The following PLCH1 variants were observed in gnomAD, a reference collection of about 807,000 sequenced individuals.
PLCH1 encodes the protein phospholipase C eta 1, also known as 1-phosphatidylinositol 4,5-bisphosphate phosphodiesterase eta-1.
In PLCH1, 60 loss-of-function variants were observed where a neutral mutation model predicts 126.7. The observed-to-expected ratio is 0.47, with a 90% CI of 0.38 to 0.59. The LOEUF (loss-of-function observed/expected upper bound fraction) is 0.59. Among genes scored for constraint, PLCH1 ranks in the 20% least tolerant of loss-of-function variants. The pLI, the probability that PLCH1 is intolerant of heterozygous loss-of-function variation, is 0.00. For missense variants in PLCH1, 1,723 were observed against 2,040.0 expected (o/e 0.84, Z 2.99); for synonymous variants, 719 against 734.9 (o/e 0.98, Z 0.35).
intron 21 of PLCH1, among the ~76,000 whole-genome samples, chr3:155,466,092 T>C (rs539615303): frequency 6.6e-5 from 10 of 152,320 alleles, no homozygotes; most frequent in African/African-American, 1.9e-4. Flanking sequence ...CCAGGCATGG[T>C]TGGCTTTGCC....
intron 1 of PLCH1, among the ~76,000 whole-genome samples, chr3:155,715,502 G>A (rs556635909): frequency 6.2e-4 from 94 of 151,424 alleles, no homozygotes; most frequent in African/African-American, 2.1e-3. Flanking sequence ...ACAGGATTTC[G>A]TCAGGTTGCC....
intron 21 of PLCH1, among the ~76,000 whole-genome samples, chr3:155,458,494 G>T (rs1382223729): frequency 1.1e-5 from 1 of 87,056 alleles, no homozygotes; most frequent in Non-Finnish European, 2.0e-5. Context: ...AAGAAAGAAA[G>T]AAAGAGAAAG....
chr3:155,549,386 G>A (rs147719548), intron 10 of PLCH1, among the ~76,000 whole-genome samples: 215 of 151,722 alleles, frequency 1.4e-3, no homozygotes, highest in African/African-American at 5.1e-3. Flanking sequence ...TGGTTTTTTT[G>A]ACAGACAGTT....
At chr3:155,689,018 A>G (rs1255208161) in intron 2 of PLCH1, among the ~76,000 whole-genome samples, 1 of 152,226 alleles carries the variant, frequency 6.6e-6, no homozygotes, top group East Asian at 1.9e-4. Flanking sequence ...AGTCAGTGCC[A>G]TGCTGGCTTC....
At position 155,471,968 on chromosome 3, in the gene PLCH1, G is replaced by A. The variant is rs1394509031; in HGVS notation, c.2938+13388C>T. On this transcript the variant is annotated intron_variant, in intron 21 of 21. Transcript: ENST00000494598. ...TTTATAGCACTAAATGCCCACAAGAGAAAGCAGGAAAGATCCAAAATTGAC... is the reference window on the plus strand; with the variant it reads ...TTTATAGCACTAAATGCCCACAAGAAAAAGCAGGAAAGATCCAAAATTGAC... 2.6e-5 allele frequency among the ~76,000 whole-genome samples: 4 copies of A among 152,118 alleles called. No homozygotes were observed. In the East Asian group the frequency reaches 7.7e-4, roughly 29 times the overall value.
intron 2 of PLCH1, among the ~76,000 whole-genome samples, chr3:155,616,281 T>C (rs927173790): frequency 6.6e-6 from 1 of 152,206 alleles, no homozygotes; most frequent in Non-Finnish European, 1.5e-5. Flanking sequence ...AGCATTGTTT[T>C]AAGATAGAAA....
At chr3:155,664,871 T>A (rs976830796) in intron 2 of PLCH1, among the ~76,000 whole-genome samples, 1 of 152,166 alleles carries the variant, frequency 6.6e-6, no homozygotes, top group Non-Finnish European at 1.5e-5. Flanking sequence ...CCTTAAGTCA[T>A]CATATAGGTA....
At chr3:155,573,795 G>T (rs745321168) in intron 6 of PLCH1, among the ~76,000 whole-genome samples, 1 of 152,178 alleles carries the variant, frequency 6.6e-6, no homozygotes, top group African/African-American at 2.4e-5. Context: ...AGTGGCAAAG[G>T]TGCATTGCAA....
chr3:155,676,651 A>C (rs1434139594), intron 2 of PLCH1, among the ~76,000 whole-genome samples: 3 of 152,164 alleles, frequency 2.0e-5, no homozygotes, highest in African/African-American at 7.2e-5. Flanking sequence ...ACTGCCCTAT[A>C]GGCTACTTTT....
intron 2 of PLCH1, among the ~76,000 whole-genome samples, chr3:155,633,624 A>T (rs1429736006): frequency 6.6e-6 from 1 of 152,252 alleles, no homozygotes; most frequent in Non-Finnish European, 1.5e-5. Context: ...AAATTATAGC[A>T]GAAACTCCAT....
downstream of PLCH1, among the ~76,000 whole-genome samples, chr3:155,475,688 C>T (rs1014820621): frequency 1.6e-4 from 25 of 152,054 alleles, no homozygotes; most frequent in Admixed American, 3.9e-4. Flanking sequence ...TGAGCAACTA[C>T]ATGCCAATAA....
intron 10 of PLCH1, among the ~76,000 whole-genome samples, chr3:155,535,627 C>T (rs535527702): frequency 8.8e-4 from 134 of 152,294 alleles, no homozygotes; most frequent in Admixed American, 3.9e-3. Flanking sequence ...CGACAGCAAA[C>T]CCTGCTCAAG....
At chr3:155,484,501 G>C (rs1169370376) in intron 22 of PLCH1, among the ~76,000 whole-genome samples, 1 of 152,168 alleles carries the variant, frequency 6.6e-6, no homozygotes, top group African/African-American at 2.4e-5. Context: ...TTTGATAAAA[G>C]TTAAAAGAAT....
rs1240034733 is a variant in PLCH1 at position 155,666,443 on chromosome 3, A to G, written c.79+37703T>C. The stretch of plus-strand genomic sequence containing the variant: ...AAATATTCTCTCTGGTCTATGGATG[A>G]TCCTAAACATATATTTATTATCTTT... On this transcript the variant is annotated intron_variant, in intron 2 of 22. Coordinates refer to ENST00000460012, the MANE Select transcript of PLCH1 (RefSeq NM_014996.4). 2.6e-5 allele frequency among the ~76,000 whole-genome samples: 4 copies of G among 152,330 alleles called. No individual in the cohort carries two copies. In the East Asian group the frequency reaches 7.7e-4, roughly 29 times the overall value.
In PLCH1 at chr3:155,537,198, AAACC is replaced by A. The variant is rs1576942784; in HGVS notation, c.1362+12585_1362+12588del. On this transcript the variant is annotated intron_variant, in intron 10 of 22. Transcript: ENST00000460012. ...CAAGCTAGCACTACAAAAAAAAAAA[AAACC>A]AAAAAAAAAAAAAAAAAAAAAAAAA... 4.1e-4 allele frequency among the ~76,000 whole-genome samples: 52 copies of A among 128,046 alleles called. 3 individuals are homozygous for A. Among genetic ancestry groups the A allele is most frequent in the African/African-American group, 1.3e-3 (40 of 30,082 alleles). The allele number at this position is 128,046 out of a possible 152,430, so 84.0% of individuals were successfully genotyped here.
At chr3:155,645,779 G>A (rs183716326) in intron 2 of PLCH1, among the ~76,000 whole-genome samples, 4 of 152,246 alleles carry the variant, frequency 2.6e-5, no homozygotes, top group Non-Finnish European at 4.4e-5. Flanking sequence ...AGGAGGGATG[G>A]CAAGACAATA....
At chr3:155,483,215 G>T in intron 22 of PLCH1, 164 bp from the exon 23 acceptor site, 1 of 877,254 alleles carries the variant, frequency 1.1e-6, no homozygotes, top group Non-Finnish European at 1.8e-6. Flanking sequence ...TCTGTGTGAT[G>T]AATAAATGGT....
intron 1 of PLCH1, among the ~76,000 whole-genome samples, chr3:155,705,292 T>C (rs1233060248): frequency 6.6e-6 from 1 of 152,158 alleles, no homozygotes; most frequent in Non-Finnish European, 1.5e-5. Context: ...TTGTCAGAGC[T>C]TCTCCTTGGC....
rs1375118930 is a variant in PLCH1, at chr3:155,628,735, T to C, written c.80-32357A>G. On this transcript the variant is annotated intron_variant, in intron 2 of 22. Transcript: ENST00000460012. ...TATCTTTTCTCTTCTACAATAGGCTTGGAAATTTCTAGAATTTGTGGAAAG... is the reference window on the plus strand; with the variant it reads ...TATCTTTTCTCTTCTACAATAGGCTCGGAAATTTCTAGAATTTGTGGAAAG... Among the ~76,000 whole-genome samples the C allele has an allele frequency of 9.2e-5, 14 of 152,310 alleles. No individual in the cohort carries two copies. In the South Asian group the frequency reaches 2.9e-3, roughly 32 times the overall value.
Sources: allele counts gnomAD v4.1 joint callset (sites outside exome capture counted in the v4.1 genomes callset), GRCh38; gene constraint gnomAD v4.1.1; transcripts MANE v1.5; gene names NCBI Gene and HGNC (gene_info 2026-07-23, HGNC 2026-07-21).